The following FUT6 variants were observed in gnomAD, a reference collection of about 807,000 sequenced individuals.
The protein encoded by FUT6 is 4-galactosyl-N-acetylglucosaminide 3-alpha-L-fucosyltransferase FUT6.
For missense variants in FUT6, 454 were observed against 494.6 expected, an observed-to-expected ratio of 0.92 and a Z score of 0.78; for synonymous variants, 187 against 209.9, an observed-to-expected ratio of 0.89 and a Z score of 0.94.
Position 5,832,333 on chromosome 19 carries a change from G to T in FUT6, c.235C>A (p.Arg79Ser). The change falls in exon 3 of 3, where the codon CGC (arginine) becomes AGC (serine). Residue 79 changes from arginine to serine, a missense_variant. Arg to Ser is a moderately radical substitution (Grantham distance 110, BLOSUM62 -1). Coordinates refer to ENST00000318336, the MANE Select transcript of FUT6 (RefSeq NM_000150.4). The surrounding 1 kb of genome is among the most constrained non-coding windows in gnomAD (Gnocchi z 4.3). Reference protein sequence around the residue: ...WPFNKPIALPRCSEMVPGTAD... With the variant: ...WPFNKPIALPSCSEMVPGTAD... ...GTGCCAGGCACCATCTCTGAGCAGC[G>T]GGGCAGAGCTATGGGTTTGTTAAAA... 1 of 1,614,040 alleles carries T rather than the reference G, an allele frequency of 6.2e-7. No individual in the cohort carries two copies. The highest frequency in any genetic ancestry group is 8.5e-7 in the Non-Finnish European group (1 of 1,180,018).
rs1483049440 is a variant in FUT6 at position 5,832,451 on chromosome 19, G to C, written c.117C>G (p.Asp39Glu). ...CFFSYLRVSQDDPTVYPNGSR... is the reference protein window; with the variant it reads ...CFFSYLRVSQEDPTVYPNGSR... ...ACCCATTAGGGTACACAGTGGGATC[G>C]TCTTGAGACACACGCAGATAGGAGA... Residue 39 changes from aspartate (D) to glutamate (E), a missense_variant, in exon 3 of 3, where the codon GAC becomes GAG. By Grantham distance (45) the Asp-to-Glu change is conservative (BLOSUM62 2). Coordinates refer to ENST00000318336, the MANE Select transcript of FUT6 (RefSeq NM_000150.4). The surrounding 1 kb of genome is among the most constrained non-coding windows in gnomAD (Gnocchi z 4.3). 6 of 1,613,922 alleles carry C rather than the reference G, an allele frequency of 3.7e-6. No homozygotes were observed. The South Asian group carries it at 6.6e-5, about 18-fold the overall frequency.
rs535231690 is a variant in FUT6, at chr19:5,830,882, G to C, written c.*606C>G. 1 of 245,858 alleles carries C rather than the reference G, an allele frequency of 4.1e-6. No individual in the cohort carries two copies. Among genetic ancestry groups the C allele is most frequent in the East Asian group, 9.8e-5 (1 of 10,182 alleles). 15.2% of individuals were successfully genotyped at this position (245,858 alleles called of 1,614,324 possible). A position where few individuals can be genotyped will look rare whatever the true frequency, so the allele number is the denominator to read the frequency against. On this transcript the variant is annotated 3_prime_UTR_variant, in exon 3 of 3. Transcript: ENST00000318336. ...GCCTCCCAAAGTGCTGGGATTACAGGTGTGAGCCACCGCACCCGGCCTCAT... is the reference window on the plus strand; with the variant it reads ...GCCTCCCAAAGTGCTGGGATTACAGCTGTGAGCCACCGCACCCGGCCTCAT...
intron 2 of FUT6, chr19:5,834,681 T>C (rs1376416279): frequency 6.6e-6 from 1 of 152,250 alleles, no homozygotes; most frequent in Non-Finnish European, 1.5e-5. Flanking sequence ...GCGCCTGTAT[T>C]CTCAGCTACT....
Position 5,831,125 on chromosome 19 carries a change from G to T in FUT6, c.*363C>A. ...GTGAGATTCAGTGTGGAAGGTCTCTGGGAGCAGGTCCCAGCAGGTAAAGTC... is the reference window on the plus strand; with the variant it reads ...GTGAGATTCAGTGTGGAAGGTCTCTTGGAGCAGGTCCCAGCAGGTAAAGTC... On this transcript the variant is annotated 3_prime_UTR_variant, in exon 3 of 3. Coordinates refer to ENST00000318336, the MANE Select transcript of FUT6 (RefSeq NM_000150.4). This position sits in a 1 kb window ranked among gnomAD's most constrained non-coding sequence, Gnocchi z 7.0. 1 of 604,220 alleles carries T rather than the reference G, an allele frequency of 1.7e-6. No individual in the cohort carries two copies. The highest frequency in any genetic ancestry group is 2.0e-5 in the South Asian group (1 of 51,160). The allele number at this position is 604,220 out of a possible 1,614,324, so 37.4% of individuals were successfully genotyped here. A position where few individuals can be genotyped will look rare whatever the true frequency, so the allele number is the denominator to read the frequency against.
At chr19:5,835,636 G>A (rs1019184804) in intron 1 of FUT6, among the ~76,000 whole-genome samples, 1 of 152,104 alleles carries the variant, frequency 6.6e-6, no homozygotes, top group African/African-American at 2.4e-5. Context: ...AGTCAGGTAT[G>A]GTGGCAGGAG....
chr19:5,834,115 G>C (rs1053124248), intron 2 of FUT6, among the ~76,000 whole-genome samples: 1 of 150,686 alleles, frequency 6.6e-6, no homozygotes, highest in Non-Finnish European at 1.5e-5. Context: ...CTGGGTGACA[G>C]AGCGAGACCC....
chr19:5,835,297 C>A (rs188029579), intron 1 of FUT6, among the ~76,000 whole-genome samples: 172 of 152,260 alleles, frequency 1.1e-3, no homozygotes, highest in African/African-American at 3.6e-3. Context: ...TTCCTTGCAG[C>A]CCTACAGCTG....
At position 5,831,977 on chromosome 19, in the gene FUT6, G is replaced by C. The variant is rs2057104806; in HGVS notation, c.591C>G (p.Ser197=). Residue 197 remains serine (S), a synonymous_variant, in exon 3 of 3, where the codon TCC becomes TCG. Coordinates refer to ENST00000318336, the MANE Select transcript of FUT6 (RefSeq NM_000150.4). This position sits in a 1 kb window ranked among gnomAD's most constrained non-coding sequence, Gnocchi z 7.0. The part of the protein sequence containing the change: ...AKTELVAWAV[S]NWGPNSARVR... ...CCCTGGCGGAGTTTGGCCCCCAGTT[G>C]GACACTGCCCAGGCCACCAGCTCGG... The C allele has an allele frequency of 6.2e-7, 1 of 1,613,860 alleles. No individual in the cohort carries two copies. The highest frequency in any genetic ancestry group is 1.3e-5 in the African/African-American group (1 of 74,932).
At position 5,831,582 on chromosome 19, in the gene FUT6, G is replaced by C. The variant is rs1424486260; in HGVS notation, c.986C>G (p.Ser329Cys). 4 of 1,614,120 alleles carry C rather than the reference G, an allele frequency of 2.5e-6. No individual in the cohort carries two copies. Among genetic ancestry groups the C allele is most frequent in the Non-Finnish European group, 3.4e-6 (4 of 1,180,014 alleles). Residue 329 changes from serine to cysteine, a missense_variant, in exon 3 of 3, where the codon TCC becomes TGC. Transcript: ENST00000318336. This position sits in a 1 kb window ranked among gnomAD's most constrained non-coding sequence, Gnocchi z 7.0. ...GCAGAAAGCGAGTGCCCAGCTGAAGGAGCGAGGCCGCAGCGTCTCCCGCCA... is the reference window on the plus strand; with the variant it reads ...GCAGAAAGCGAGTGCCCAGCTGAAGCAGCGAGGCCGCAGCGTCTCCCGCCA... Reference protein sequence around the residue: ...FRWRETLRPRSFSWALAFCKA... With the variant: ...FRWRETLRPRCFSWALAFCKA...
intron 1 of FUT6, among the ~76,000 whole-genome samples, chr19:5,835,291 T>C (rs1217025686): frequency 6.6e-6 from 1 of 152,146 alleles, no homozygotes; most frequent in Non-Finnish European, 1.5e-5. Context: ...TCTCTGTTCC[T>C]TGCAGCCCTA....
chr19:5,835,454 C>G (rs2057166541), intron 1 of FUT6, among the ~76,000 whole-genome samples: 2 of 152,196 alleles, frequency 1.3e-5, no homozygotes, highest in Admixed American at 6.5e-5. Flanking sequence ...GCAGATGGAG[C>G]TGACATCTCC....
chr19:5,832,016 G>C lies in FUT6; in HGVS notation c.552C>G (p.Asn184Lys). 1 of 1,613,868 alleles carries C rather than the reference G, an allele frequency of 6.2e-7. No homozygotes were observed. The highest frequency in any genetic ancestry group is 8.5e-7 in the Non-Finnish European group (1 of 1,180,014). The change falls in exon 3 of 3, where the codon AAC (asparagine) becomes AAG (lysine). Residue 184 changes from asparagine (N) to lysine (K), a missense_variant. By Grantham distance (94) the Asn-to-Lys change is moderately conservative. Transcript: ENST00000318336. The surrounding 1 kb of genome is among the most constrained non-coding windows in gnomAD (Gnocchi z 4.3). ...CCACCAGCTCGGTCTTGGCCGAGAG[G>C]TTGAGCGGTGGGTGGGCAGGCTGGC... ...WSGQPAHPPL[N>K]LSAKTELVAW...
intron 2 of FUT6, among the ~76,000 whole-genome samples, chr19:5,833,089 C>G (rs375074192): frequency 6.6e-6 from 1 of 152,124 alleles, no homozygotes; most frequent in East Asian, 1.9e-4. Context: ...ATTGCCAAGG[C>G]CTAGTGGGGA....
chr19:5,833,458 C>G (rs1263456813), intron 2 of FUT6, among the ~76,000 whole-genome samples: 10 of 149,452 alleles, frequency 6.7e-5, no homozygotes, highest in Non-Finnish European at 1.5e-5. Flanking sequence ...CGCTGCACTC[C>G]AGCCTGGGCA....
In FUT6 at chr19:5,831,329, C is replaced by G. The variant is rs751266727; in HGVS notation, c.*159G>C. On this transcript the variant is annotated 3_prime_UTR_variant, in exon 3 of 3. Transcript: ENST00000318336. The surrounding 1 kb of genome is among the most constrained non-coding windows in gnomAD (Gnocchi z 7.0). ...AAGTGAGGACCCAGGTAGGTGAATC[C>G]CCAGGCAGGTGAAGCTGCAACAGGT... is the stretch of plus-strand genomic sequence containing the variant. 6.4e-7 allele frequency: 1 copy of G among 1,569,546 alleles called. No homozygotes were observed. The highest frequency in any genetic ancestry group is 8.7e-7 in the Non-Finnish European group (1 of 1,148,352).
rs965323868 is a variant in FUT6 at position 5,838,796 on chromosome 19, C to T, written c.-260G>A. On this transcript the variant is annotated 5_prime_UTR_variant, in exon 1 of 3. Coordinates refer to ENST00000318336, the MANE Select transcript of FUT6 (RefSeq NM_000150.4). ...AGCAGAAGGAAGGAGGAAGTGTACCCGGAGCTGAAACCAGGCCCTTTCCAA... is the reference window on the plus strand; with the variant it reads ...AGCAGAAGGAAGGAGGAAGTGTACCTGGAGCTGAAACCAGGCCCTTTCCAA... 1.6e-4 allele frequency: 25 copies of T among 152,378 alleles called. No individual in the cohort carries two copies. Among genetic ancestry groups the T allele is most frequent in the African/African-American group, 5.1e-4 (21 of 41,538 alleles). 9.4% of individuals were successfully genotyped at this position (152,378 alleles called of 1,614,324 possible).
chr19:5,830,611 T>TTA lies in FUT6; in HGVS notation c.*876_*877insTA, dbSNP rs1410612500. The stretch of plus-strand genomic sequence containing the variant: ...CCGCACCCAGCTAATTTTTTTTTTT[T>TTA]TTTTTTTTTTTTTTGAGACAGAGTC... On this transcript the variant is annotated 3_prime_UTR_variant, in exon 3 of 3. Transcript: ENST00000318336. 7.6e-6 allele frequency: 1 copy of TTA among 131,542 alleles called. No homozygotes were observed. The highest frequency in any genetic ancestry group is 2.9e-5 in the African/African-American group (1 of 34,158). 8.1% of individuals were successfully genotyped at this position (131,542 alleles called of 1,614,324 possible).
At chr19:5,835,709 G>A (rs2057170106) in intron 1 of FUT6, among the ~76,000 whole-genome samples, 1 of 152,142 alleles carries the variant, frequency 6.6e-6, no homozygotes, top group Non-Finnish European at 1.5e-5. Context: ...GGAGACAGAG[G>A]TTGCAGTGAG....
At position 5,831,740 on chromosome 19, in the gene FUT6, G is replaced by A. The variant is rs368363877; in HGVS notation, c.828C>T (p.Ser276=). 1 of 1,612,658 alleles carries A rather than the reference G, an allele frequency of 6.2e-7. No individual in the cohort carries two copies. Among genetic ancestry groups the A allele is most frequent in the Non-Finnish European group, 8.5e-7 (1 of 1,179,294 alleles). The part of the protein sequence containing the change: ...AWAVPVVLGP[S]RSNYERFLPP... The stretch of plus-strand genomic sequence containing the variant: ...GCAGGAACCTCTCGTAGTTGCTTCT[G>A]CTGGGGCCCAGCACCACGGGCACGG... The change falls in exon 3 of 3, where the codon AGC becomes AGT. Residue 276 remains serine, a synonymous_variant. Transcript: ENST00000318336. The surrounding 1 kb of genome is among the most constrained non-coding windows in gnomAD (Gnocchi z 7.0).
Sources: allele counts gnomAD v4.1 joint callset (sites outside exome capture counted in the v4.1 genomes callset), GRCh38; gene constraint gnomAD v4.1.1; non-coding constraint Gnocchi (gnomAD v3.1); transcripts MANE v1.5; gene names NCBI Gene and HGNC (gene_info 2026-07-23, HGNC 2026-07-21).